SYNE1: variants seen among roughly 807,000 people sequenced by gnomAD.
SYNE1 encodes spectrin repeat containing nuclear envelope protein 1.
Under a neutral mutation model 1,111.0 loss-of-function variants are expected in SYNE1, and 616 were observed. The observed-to-expected ratio is 0.55, with a 90% CI of 0.52 to 0.59. The LOEUF is 0.59. Ranked by LOEUF, SYNE1 falls within the 20% of genes least tolerant of loss-of-function variation. The pLI, the probability that SYNE1 is intolerant of heterozygous loss-of-function variation, is 0.00. For synonymous variants in SYNE1, 3,855 were observed against 3,825.8 expected (o/e 1.01, Z -0.28); for missense variants, 10,006 against 10,417.0 (o/e 0.96, Z 1.72).
At position 152,269,230 on chromosome 6, in the gene SYNE1, G is replaced by C; in HGVS notation, c.18630C>G (p.Pro6210=). The C allele has an allele frequency of 1.2e-6, 2 of 1,614,152 alleles. No homozygotes were observed. The highest frequency in any genetic ancestry group is 1.7e-6 in the Non-Finnish European group (2 of 1,180,036). Reference sequence around the variant, plus strand: ...CTTGGGCCAGCCATTCCTGGACGCCGGGGCTCTGCGTGGCTGTTAGGTCAA... The same window carrying C: ...CTTGGGCCAGCCATTCCTGGACGCCCGGGCTCTGCGTGGCTGTTAGGTCAA... The part of the protein sequence containing the change: ...SDVDLTATQS[P]GVQEWLAQAR... Residue 6210 remains proline (P), a synonymous_variant, in exon 99 of 146, where the codon CCC becomes CCG. Transcript: ENST00000367255.
chr6:152,308,893 A>G (rs1200401950), intron 90 of SYNE1, among the ~76,000 whole-genome samples: 1 of 152,236 alleles, frequency 6.6e-6, no homozygotes, highest in African/African-American at 2.4e-5. Context: ...CCCTACTGAT[A>G]TCGTCCTGAA....
In SYNE1 at chr6:152,509,359, C is replaced by T. The variant is rs903781625; in HGVS notation, c.581+834G>A. 3.1e-4 allele frequency among the ~76,000 whole-genome samples: 46 copies of T among 150,048 alleles called. 1 individual carries two copies. The highest frequency in any genetic ancestry group is 6.5e-4 in the Non-Finnish European group (44 of 67,772). On this transcript the variant is annotated intron_variant, in intron 8 of 145. Coordinates refer to ENST00000367255, the MANE Select transcript of SYNE1 (RefSeq NM_182961.4). ...GCAACCTCCACCTCCCAGGTTCAAG[C>T]GATTCTGGTGCCTCAGCCTCCCGAG... is the stretch of plus-strand genomic sequence containing the variant.
At chr6:152,236,726 A>G in intron 109 of SYNE1, 91 bp downstream of exon 109, 1 of 1,444,132 alleles carries the variant, frequency 6.9e-7, no homozygotes, top group Non-Finnish European at 9.7e-7. Context: ...AAGTAAAAGT[A>G]CTAATAAAAT....
intron 40 of SYNE1, among the ~76,000 whole-genome samples, chr6:152,417,429 C>T (rs546534138): frequency 1.3e-5 from 2 of 152,146 alleles, no homozygotes; most frequent in South Asian, 2.1e-4. Flanking sequence ...ACCCGGGAGG[C>T]GGAGCTTGCA....
Position 152,510,213 on chromosome 6 carries a change from C to A in SYNE1, c.561G>T (p.Trp187Cys), listed in dbSNP as rs376693048. 6.2e-7 allele frequency: 1 copy of A among 1,613,852 alleles called. No homozygotes were observed. The highest frequency in any genetic ancestry group is 8.5e-7 in the Non-Finnish European group (1 of 1,179,922). The stretch of plus-strand genomic sequence containing the variant: ...CTTACTTGCCAGCTGTGTACTGAAC[C>A]CACTTTAATAAAGCCTTCTTAGCAT... ...QGNAKKALLK[W>C]VQYTAGKQTG... The change falls in exon 8 of 146, where the codon TGG becomes TGT. Residue 187 changes from tryptophan to cysteine, a missense_variant. Around this residue, in one of 7 missense-constraint regions of SYNE1, gnomAD observed 1,971 missense variants for 2,084.1 expected, o/e 0.95. Coordinates refer to ENST00000367255, the MANE Select transcript of SYNE1 (RefSeq NM_182961.4).
At chr6:152,464,569 C>G (rs1237968263) in intron 18 of SYNE1, among the ~76,000 whole-genome samples, 2 of 152,116 alleles carry the variant, frequency 1.3e-5, no homozygotes, top group Non-Finnish European at 2.9e-5. Flanking sequence ...AATAGATGAA[C>G]CAATCTTGGA....
intron 46 of SYNE1, chr6:152,402,730 CGT>C (rs139325960): frequency 0.034 from 5,155 of 150,112 alleles, 126 homozygotes; most frequent in African/African-American, 0.063. Flanking sequence ...TATGTGCACA[CGT>C]GTGTGTGTGT....
chr6:152,349,894 C>T (rs999953850), intron 72 of SYNE1, among the ~76,000 whole-genome samples: 1 of 152,122 alleles, frequency 6.6e-6, no homozygotes, highest in Non-Finnish European at 1.5e-5. Flanking sequence ...GTGAGATGTG[C>T]CTTAACCTTT....
intron 3 of SYNE1, among the ~76,000 whole-genome samples, chr6:152,596,352 T>C (rs1161347018): frequency 6.7e-6 from 1 of 149,514 alleles, no homozygotes; most frequent in Admixed American, 6.7e-5. Flanking sequence ...CCCAGAGGAG[T>C]TCAAGAGATG....
At chr6:152,259,651 T>C (rs2091628723) in intron 101 of SYNE1, among the ~76,000 whole-genome samples, 1 of 152,144 alleles carries the variant, frequency 6.6e-6, no homozygotes, top group South Asian at 2.1e-4. Context: ...AGAGATAATA[T>C]TGACCTCACC....
At chr6:152,302,225 A>C in intron 91 of SYNE1, 162 bp from the exon 92 acceptor site, 1 of 930,190 alleles carries the variant, frequency 1.1e-6, no homozygotes, top group Non-Finnish European at 1.7e-6. Context: ...CTCGCTACCG[A>C]GCCAGACCGC....
At chr6:152,403,732 C>G (rs1563748881) in intron 46 of SYNE1, among the ~76,000 whole-genome samples, 1 of 151,952 alleles carries the variant, frequency 6.6e-6, no homozygotes, top group Non-Finnish European at 1.5e-5. Context: ...AATAAACAAA[C>G]AAACAACCAA....
chr6:152,273,499 T>A (rs1460706063), intron 98 of SYNE1, among the ~76,000 whole-genome samples: 2 of 152,186 alleles, frequency 1.3e-5, no homozygotes, highest in African/African-American at 4.8e-5. Context: ...AGAAAACTGA[T>A]CCGTAAGAAA....
chr6:152,206,119 A>T, intron 126 of SYNE1, 49 bp downstream of exon 126: 1 of 1,565,784 alleles, frequency 6.4e-7, no homozygotes, highest in Non-Finnish European at 8.8e-7. Context: ...AGGAAGTAGT[A>T]CAACGACTAA....
intron 93 of SYNE1, among the ~76,000 whole-genome samples, chr6:152,299,396 C>T (rs949027885): frequency 2.6e-5 from 4 of 152,206 alleles, no homozygotes; most frequent in African/African-American, 7.2e-5. Context: ...AAATTCCCCA[C>T]GGCTCCCTGA....
chr6:152,448,841 A>AAACAAAC (rs1554720198), intron 28 of SYNE1, among the ~76,000 whole-genome samples: 2 of 151,600 alleles, frequency 1.3e-5, no homozygotes, highest in Admixed American at 6.6e-5. Context: ...CTTGTCTCAA[A>AAACAAAC]AAACAAACAA....
intron 3 of SYNE1, among the ~76,000 whole-genome samples, chr6:152,575,660 C>T (rs562440653): frequency 6.6e-6 from 1 of 152,282 alleles, no homozygotes; most frequent in South Asian, 2.1e-4. Context: ...TCAGAACAGC[C>T]TAGATTTGCC....
intron 3 of SYNE1, among the ~76,000 whole-genome samples, chr6:152,605,016 G>A (rs1252181705): frequency 3.8e-4 from 24 of 63,986 alleles, no homozygotes; most frequent in Non-Finnish European, 4.9e-4. Flanking sequence ...AAGAGAGAGA[G>A]AGAGAGAGAG....
rs1459337586 is a variant in SYNE1, at chr6:152,238,836, C to A, written c.20067+697G>T. Among the ~76,000 whole-genome samples, 10 of 152,008 alleles carry A rather than the reference C, an allele frequency of 6.6e-5. No individual in the cohort carries two copies. The East Asian group carries it at 1.9e-3, about 29-fold the overall frequency. On this transcript the variant is annotated intron_variant, in intron 108 of 145. Coordinates refer to ENST00000367255, the MANE Select transcript of SYNE1 (RefSeq NM_182961.4). ...TAGCTTGCCAGTAGCCACCACTGAG[C>A]ACTACTCTGTTCCAAGAGCAACCGC... is the stretch of plus-strand genomic sequence containing the variant.
Sources: allele counts gnomAD v4.1 joint callset (sites outside exome capture counted in the v4.1 genomes callset), GRCh38; gene constraint gnomAD v4.1.1; regional missense constraint gnomAD v4.1.1; transcripts MANE v1.5; gene names NCBI Gene and HGNC (gene_info 2026-07-23, HGNC 2026-07-21).